Variants in SLC25A42 observed in about 807,000 individuals in gnomAD.
SLC25A42 encodes the protein mitochondrial coenzyme A transporter SLC25A42.
A neutral mutation model predicts 34.7 loss-of-function variants in SLC25A42; 19 were observed. The ratio of observed to expected loss-of-function variants is 0.55; its 90% CI spans 0.38 to 0.80. The LOEUF is 0.80. SLC25A42 is among the 30% of genes least tolerant of loss of function. The pLI is 0.00. For synonymous variants in SLC25A42, 205 were observed against 191.2 expected (o/e 1.07, Z -0.59); for missense variants, 364 against 441.3 (o/e 0.82, Z 1.57).
intron 1 of SLC25A42, among the ~76,000 whole-genome samples, chr19:19,065,377 A>C (rs967307576): frequency 6.6e-6 from 1 of 152,144 alleles, no homozygotes; most frequent in African/African-American, 2.4e-5. Flanking sequence ...GAGGCAAACT[A>C]ATGTTTCAGC....
intron 3 of SLC25A42, among the ~76,000 whole-genome samples, chr19:19,103,637 C>G (rs756276433): frequency 6.6e-6 from 1 of 152,178 alleles, no homozygotes; most frequent in Non-Finnish European, 1.5e-5. Flanking sequence ...GGCCTTTGCC[C>G]CCTTCAAACA....
intron 2 of SLC25A42, among the ~76,000 whole-genome samples, chr19:19,099,711 G>A (rs761432950): frequency 2.6e-5 from 4 of 151,952 alleles, no homozygotes; most frequent in African/African-American, 4.8e-5. Context: ...TGCAGGAGCC[G>A]CTTCTACCCT....
intron 1 of SLC25A42, among the ~76,000 whole-genome samples, chr19:19,091,930 T>C (rs1392906352): frequency 3.3e-5 from 5 of 152,210 alleles, no homozygotes. Flanking sequence ...TCTCTGATGG[T>C]TGCAGGCATT....
chr19:19,098,502 G>A (rs933170388), intron 2 of SLC25A42, among the ~76,000 whole-genome samples: 1 of 138,714 alleles, frequency 7.2e-6, no homozygotes, highest in African/African-American at 2.6e-5. Context: ...AGGCTGAGGT[G>A]GGAGGATCAC....
At chr19:19,074,115 C>T (rs533971112) in intron 1 of SLC25A42, among the ~76,000 whole-genome samples, 2 of 152,232 alleles carry the variant, frequency 1.3e-5, no homozygotes, top group African/African-American at 2.4e-5. Context: ...ATCTAACGGC[C>T]TTTGGTGACA....
intron 1 of SLC25A42, among the ~76,000 whole-genome samples, chr19:19,076,593 G>T (rs927696117): frequency 6.6e-6 from 1 of 152,214 alleles, no homozygotes; most frequent in Admixed American, 6.5e-5. Flanking sequence ...TGGCTTGCCT[G>T]CCCCACTCCC....
In SLC25A42 at chr19:19,081,307, A is replaced by G. The variant is rs556750176; in HGVS notation, c.-34-14784A>G. The stretch of plus-strand genomic sequence containing the variant: ...ATAAGGAACCACAGGGACCACCACT[A>G]TGACCAGCCTGGCAGGGGGTGATGA... On this transcript the variant is annotated intron_variant, in intron 1 of 7. Transcript: ENST00000318596. The surrounding 1 kb of genome is among the most constrained non-coding windows in gnomAD (Gnocchi z 4.5). 7.4e-4 allele frequency among the ~76,000 whole-genome samples: 112 copies of G among 152,146 alleles called. 1 individual carries two copies. The highest frequency in any genetic ancestry group is 1.4e-3 in the Non-Finnish European group (93 of 67,982).
chr19:19,086,771 G>C (rs2059710313), intron 1 of SLC25A42, among the ~76,000 whole-genome samples: 1 of 151,982 alleles, frequency 6.6e-6, no homozygotes. Flanking sequence ...CTCCTGAGTA[G>C]CTGGGACTAC....
chr19:19,108,239 C>T (rs373376021), intron 7 of SLC25A42, among the ~76,000 whole-genome samples, 194 bp downstream of exon 7: 28 of 152,344 alleles, frequency 1.8e-4, no homozygotes, highest in African/African-American at 6.3e-4. Context: ...CCTGGACTCA[C>T]TGCCTTAAAT....
chr19:19,106,964 C>G (rs1430296416), intron 6 of SLC25A42: 4 of 130,358 alleles, frequency 3.1e-5, no homozygotes, highest in African/African-American at 5.7e-5. Flanking sequence ...AAAAAAAAGT[C>G]TGAGACTAGA....
At chr19:19,107,482 T>C (rs2059837908) in intron 6 of SLC25A42, among the ~76,000 whole-genome samples, 1 of 151,998 alleles carries the variant, frequency 6.6e-6, no homozygotes, top group South Asian at 2.1e-4. Context: ...AAATAAAAAA[T>C]TAGCCAGGTC....
chr19:19,085,528 C>T (rs756803302), intron 1 of SLC25A42, among the ~76,000 whole-genome samples: 7 of 152,066 alleles, frequency 4.6e-5, no homozygotes, highest in Middle Eastern at 3.2e-3. Flanking sequence ...ATTACAGGTG[C>T]TCACCACATG....
chr19:19,096,590 G>GTA (rs2059766959), intron 2 of SLC25A42, among the ~76,000 whole-genome samples: 2 of 152,006 alleles, frequency 1.3e-5, no homozygotes, highest in South Asian at 4.2e-4. Context: ...GAAGCCTGAG[G>GTA]TATCAGACAT....
At chr19:19,102,770 A>ATAAC (rs1471165161) in intron 3 of SLC25A42, among the ~76,000 whole-genome samples, 1 of 151,790 alleles carries the variant, frequency 6.6e-6, no homozygotes, top group African/African-American at 2.4e-5. Context: ...AAATAAATAA[A>ATAAC]TAAATAAATA....
chr19:19,068,406 C>G (rs1320838005), intron 1 of SLC25A42, among the ~76,000 whole-genome samples: 1 of 149,254 alleles, frequency 6.7e-6, no homozygotes, highest in Admixed American at 6.7e-5. Context: ...GTGGCTCACG[C>G]CTTTCATCCT....
chr19:19,096,971 A>C (rs979815516), intron 2 of SLC25A42, among the ~76,000 whole-genome samples: 1 of 152,092 alleles, frequency 6.6e-6, no homozygotes, highest in Non-Finnish European at 1.5e-5. Context: ...GCAGAGAGCC[A>C]AAGGGGGTGG....
At chr19:19,080,922 T>A (rs1458165974) in intron 1 of SLC25A42, among the ~76,000 whole-genome samples, 48 of 128,366 alleles carry the variant, frequency 3.7e-4, no homozygotes, top group Non-Finnish European at 5.1e-4. Context: ...CCTATAAAAT[T>A]TAAAAAAAAA....
intron 4 of SLC25A42, 74 bp from the exon 5 acceptor site, chr19:19,105,487 C>G: frequency 6.5e-7 from 1 of 1,550,186 alleles, no homozygotes; most frequent in Non-Finnish European, 8.8e-7. Flanking sequence ...ACTTTGGGCG[C>G]TCTGCTGGTC....
intron 1 of SLC25A42, among the ~76,000 whole-genome samples, chr19:19,066,792 G>A (rs901776186): frequency 6.6e-6 from 1 of 152,086 alleles, no homozygotes; most frequent in African/African-American, 2.4e-5. Flanking sequence ...AGCTGCAATG[G>A]ATAGATGCAT....
Sources: gnomAD v4.1 joint callset for allele counts (sites outside exome capture counted in the v4.1 genomes callset) on GRCh38, gnomAD v4.1.1 for gene constraint, Gnocchi (gnomAD v3.1) non-coding constraint, MANE v1.5 for transcripts, NCBI Gene and HGNC (gene_info 2026-07-23, HGNC 2026-07-21) for gene names.